The following SMIM7 variants were observed in gnomAD, a reference collection of about 807,000 sequenced individuals.
The protein encoded by SMIM7 is small integral membrane protein 7.
In SMIM7, 12 loss-of-function variants were observed where a neutral mutation model predicts 13.3. The ratio of observed to expected loss-of-function variants is 0.90; its 90% CI spans 0.58 to 1.46. The LOEUF (loss-of-function observed/expected upper bound fraction) is 1.46. SMIM7 is among the 40% of genes most tolerant of loss of function. The pLI, the probability that SMIM7 is intolerant of heterozygous loss-of-function variation, is 0.00. For missense variants in SMIM7, 114 were observed against 94.8 expected (o/e 1.20, Z -0.84); for synonymous variants, 36 against 35.8 (o/e 1.01, Z -0.02).
chr19:16,639,291 T>G (rs913466343), intron 4 of SMIM7, among the ~76,000 whole-genome samples: 1 of 151,718 alleles, frequency 6.6e-6, no homozygotes, highest in Non-Finnish European at 1.5e-5. Flanking sequence ...CCCGGCTAAT[T>G]TTTTGTATTT....
downstream of SMIM7, chr19:16,646,062 G>C (rs567292331): frequency 8.6e-5 from 13 of 150,436 alleles, no homozygotes; most frequent in African/African-American, 3.2e-4. Context: ...ATGAATCCTA[G>C]GTTTTTCCAG....
chr19:16,660,048 T>A (rs2086657247), intron 1 of SMIM7, 37 bp downstream of exon 1: 1 of 1,614,150 alleles, frequency 6.2e-7, no homozygotes, highest in East Asian at 2.2e-5. Context: ...GCGTCCTGCC[T>A]GGCTCTCTCT....
intron 4 of SMIM7, chr19:16,652,552 T>C: frequency 9.0e-7 from 1 of 1,110,254 alleles, no homozygotes; most frequent in Non-Finnish European, 1.1e-6. Context: ...GCCTTCTTTG[T>C]TCCTAGGCAA....
intron 4 of SMIM7, among the ~76,000 whole-genome samples, chr19:16,639,382 A>G (rs1023563021): frequency 2.6e-5 from 4 of 152,128 alleles, no homozygotes; most frequent in Admixed American, 2.0e-4. Flanking sequence ...TCCGCCTCCC[A>G]AAGTGCTGGG....
chr19:16,646,444 C>T lies in SMIM7; in HGVS notation c.*802G>A, dbSNP rs554607061. 1 of 152,418 alleles carries T rather than the reference C, an allele frequency of 6.6e-6. No individual in the cohort carries two copies. Among genetic ancestry groups the T allele is most frequent in the East Asian group, 1.9e-4 (1 of 5,186 alleles). 9.4% of individuals were successfully genotyped at this position (152,418 alleles called of 1,614,324 possible). On this transcript the variant is annotated 3_prime_UTR_variant, in exon 5 of 5. Coordinates refer to ENST00000487416, the MANE Select transcript of SMIM7 (RefSeq NM_024104.4). ...AAATGCTGTATTTCCTAGATGAAGG[C>T]CCCTGGTTTTTCAACCTCAAAATCA...
chr19:16,651,994 C>T, intron 4 of SMIM7, among the ~76,000 whole-genome samples: 1 of 151,046 alleles, frequency 6.6e-6, no homozygotes, highest in African/African-American at 2.4e-5. Context: ...ATGCTGACTT[C>T]TTCCCTTCCC....
chr19:16,639,790 T>C (rs2086392069), intron 4 of SMIM7, among the ~76,000 whole-genome samples: 1 of 152,186 alleles, frequency 6.6e-6, no homozygotes, highest in Admixed American at 6.5e-5. Flanking sequence ...CACTCAGCTC[T>C]CATTCTTCTC....
downstream of SMIM7, among the ~76,000 whole-genome samples, chr19:16,644,569 C>T (rs1187066547): frequency 6.6e-6 from 1 of 151,940 alleles, no homozygotes; most frequent in East Asian, 1.9e-4. Flanking sequence ...TCCTGAGTAG[C>T]TGGGATTACA....
intron 4 of SMIM7, among the ~76,000 whole-genome samples, chr19:16,650,419 G>A (rs569541408): frequency 7.9e-5 from 12 of 152,170 alleles, no homozygotes; most frequent in Non-Finnish European, 1.6e-4. Flanking sequence ...ACAAGAGTGG[G>A]CACAGGGAGA....
intron 4 of SMIM7, among the ~76,000 whole-genome samples, chr19:16,651,458 G>C (rs2086523456): frequency 6.6e-6 from 1 of 152,220 alleles, no homozygotes; most frequent in Non-Finnish European, 1.5e-5. Context: ...GTGACACCAA[G>C]GTGGGTCAAT....
At chr19:16,637,115 A>G (rs1371124106) in intron 4 of SMIM7, among the ~76,000 whole-genome samples, 2 of 152,254 alleles carry the variant, frequency 1.3e-5, no homozygotes, top group African/African-American at 2.4e-5. Context: ...AGACTGAAAC[A>G]GCCACACGTG....
intron 3 of SMIM7, among the ~76,000 whole-genome samples, chr19:16,657,757 G>T (rs919388718): frequency 5.3e-5 from 8 of 152,232 alleles, no homozygotes; most frequent in Non-Finnish European, 1.0e-4. Flanking sequence ...TCGGCCAGGC[G>T]TGGTAGCTCA....
intron 4 of SMIM7, among the ~76,000 whole-genome samples, chr19:16,653,247 T>C (rs1297251208): frequency 1.3e-5 from 2 of 152,138 alleles, no homozygotes; most frequent in African/African-American, 4.8e-5. Context: ...GGACAGAGTT[T>C]AACCCCTTCA....
chr19:16,658,505 CAG>C (rs1342246427), intron 3 of SMIM7, among the ~76,000 whole-genome samples: 3 of 152,144 alleles, frequency 2.0e-5, no homozygotes, highest in African/African-American at 7.2e-5. Flanking sequence ...TGGGATGAGG[CAG>C]AGTCTACAGG....
chr19:16,655,913 G>A (rs182958304), intron 3 of SMIM7, among the ~76,000 whole-genome samples: 134 of 152,244 alleles, frequency 8.8e-4, no homozygotes, highest in African/African-American at 3.0e-3. Context: ...TTATCTAGCC[G>A]ACAGGATTAG....
At chr19:16,656,205 G>A (rs1159740639) in intron 3 of SMIM7, among the ~76,000 whole-genome samples, 2 of 152,024 alleles carry the variant, frequency 1.3e-5, no homozygotes, top group South Asian at 2.1e-4. Flanking sequence ...GGCTAACATC[G>A]TGAAACCACG....
At chr19:16,655,870 A>G (rs890352984) in intron 3 of SMIM7, among the ~76,000 whole-genome samples, 1 of 152,104 alleles carries the variant, frequency 6.6e-6, no homozygotes, top group Non-Finnish European at 1.5e-5. Context: ...TGAACACACC[A>G]TCTTGCTGAA....
chr19:16,651,383 G>A (rs1189191999), intron 4 of SMIM7, among the ~76,000 whole-genome samples: 1 of 152,182 alleles, frequency 6.6e-6, no homozygotes, highest in African/African-American at 2.4e-5. Context: ...TTGGCCTGTG[G>A]TCTGATGACC....
At chr19:16,632,477 T>G (rs2086328872) in intron 4 of SMIM7, among the ~76,000 whole-genome samples, 1 of 151,814 alleles carries the variant, frequency 6.6e-6, no homozygotes, top group Admixed American at 6.6e-5. Context: ...TTAATTGCAC[T>G]GTACAAACAC....
Sources: gnomAD v4.1 joint callset for allele counts (sites outside exome capture counted in the v4.1 genomes callset) on GRCh38, gnomAD v4.1.1 for gene constraint, MANE v1.5 for transcripts, NCBI Gene and HGNC (gene_info 2026-07-23, HGNC 2026-07-21) for gene names.